TAF3: variants seen among roughly 807,000 people sequenced by gnomAD.
The protein encoded by TAF3 is TATA-box binding protein associated factor 3.
Under a neutral mutation model 80.6 loss-of-function variants are expected in TAF3, and 7 were observed. The ratio of observed to expected loss-of-function variants is 0.09; its 90% CI spans 0.05 to 0.16. The LOEUF (loss-of-function observed/expected upper bound fraction) is 0.16. TAF3 is among the 10% of genes least tolerant of loss of function. The pLI is 1.00. For missense variants in TAF3, 921 were observed against 1,140.2 expected, an observed-to-expected ratio of 0.81 and a Z score of 2.77; for synonymous variants, 444 against 446.1, an observed-to-expected ratio of 1.00 and a Z score of 0.06.
intron 2 of TAF3, among the ~76,000 whole-genome samples, chr10:7,898,840 T>A (rs985906311): frequency 1.3e-5 from 2 of 152,130 alleles, no homozygotes; most frequent in African/African-American, 4.8e-5. Context: ...TTGGTGGAGA[T>A]GATCTCAAAT....
intron 2 of TAF3, among the ~76,000 whole-genome samples, chr10:7,847,020 T>C (rs1461393453): frequency 6.6e-6 from 1 of 152,224 alleles, no homozygotes; most frequent in African/African-American, 2.4e-5. Flanking sequence ...AGTTGAAATT[T>C]AGAATTTTTC....
At chr10:7,911,981 G>GA (rs2131180057) in intron 2 of TAF3, among the ~76,000 whole-genome samples, 1 of 152,226 alleles carries the variant, frequency 6.6e-6, no homozygotes, top group African/African-American at 2.4e-5. Flanking sequence ...CTACCACAAC[G>GA]AGTCATATGC....
At chr10:7,961,776 C>A (rs1286654807) in intron 2 of TAF3, among the ~76,000 whole-genome samples, 3 of 152,144 alleles carry the variant, frequency 2.0e-5, no homozygotes, top group African/African-American at 7.2e-5. Context: ...TAATCATTGT[C>A]CTTTTCTATT....
At chr10:7,919,172 A>G (rs1837740301) in intron 2 of TAF3, among the ~76,000 whole-genome samples, 1 of 152,220 alleles carries the variant, frequency 6.6e-6, no homozygotes, top group Non-Finnish European at 1.5e-5. Context: ...ATTAGAATCC[A>G]GTTGGATGTC....
intron 2 of TAF3, among the ~76,000 whole-genome samples, chr10:7,849,027 A>C (rs1837000248): frequency 6.6e-6 from 1 of 152,196 alleles, no homozygotes; most frequent in Non-Finnish European, 1.5e-5. Flanking sequence ...TGGTGAGTTT[A>C]TATCACACTT....
chr10:7,863,626 AATATAT>A (rs1554778360), intron 2 of TAF3, among the ~76,000 whole-genome samples: 2 of 48,098 alleles, frequency 4.2e-5, no homozygotes, highest in South Asian at 9.6e-4. Context: ...AAAAAAAAAA[AATATAT>A]ATATATATAT....
At chr10:7,911,189 C>T (rs1264850397) in intron 2 of TAF3, among the ~76,000 whole-genome samples, 1 of 152,122 alleles carries the variant, frequency 6.6e-6, no homozygotes, top group Non-Finnish European at 1.5e-5. Flanking sequence ...GATCAAAACT[C>T]ACTTCTTTAG....
At chr10:7,902,167 C>T (rs1342987042) in intron 2 of TAF3, among the ~76,000 whole-genome samples, 1 of 152,090 alleles carries the variant, frequency 6.6e-6, no homozygotes, top group African/African-American at 2.4e-5. Context: ...TGGACATATC[C>T]AATCCCAGCA....
At chr10:7,864,865 A>G (rs1480360367) in intron 2 of TAF3, among the ~76,000 whole-genome samples, 2 of 151,884 alleles carry the variant, frequency 1.3e-5, no homozygotes, top group Non-Finnish European at 2.9e-5. Context: ...TTGTGCCCTA[A>G]GAAATCTTTG....
chr10:7,891,957 A>G (rs566879650), intron 2 of TAF3, among the ~76,000 whole-genome samples: 1 of 152,372 alleles, frequency 6.6e-6, no homozygotes, highest in South Asian at 2.1e-4. Context: ...CAATATGTAT[A>G]TAAATTGTAA....
intron 4 of TAF3, among the ~76,000 whole-genome samples, chr10:7,988,225 G>A (rs947727289): frequency 1.3e-5 from 2 of 152,080 alleles, no homozygotes; most frequent in African/African-American, 2.4e-5. Context: ...ACTGCGGGAG[G>A]ATCGCTTGAG....
chr10:8,012,220 AAG>A (rs1217800847), intron 5 of TAF3, among the ~76,000 whole-genome samples: 1 of 152,158 alleles, frequency 6.6e-6, no homozygotes, highest in Admixed American at 6.5e-5. Context: ...CTACCTCATG[AAG>A]AGAGACGCTT....
intron 2 of TAF3, among the ~76,000 whole-genome samples, chr10:7,869,045 A>G (rs1837241080): frequency 6.6e-6 from 1 of 152,212 alleles, no homozygotes; most frequent in Admixed American, 6.5e-5. Flanking sequence ...GTGTAAAACA[A>G]TACATCGTAG....
intron 2 of TAF3, among the ~76,000 whole-genome samples, chr10:7,899,542 A>G (rs1269163549): frequency 6.6e-6 from 1 of 152,108 alleles, no homozygotes; most frequent in Non-Finnish European, 1.5e-5. Context: ...CTTCTAGAAC[A>G]TTGCTTTCTA....
chr10:8,000,523 T>C (rs1831933645), intron 4 of TAF3, among the ~76,000 whole-genome samples: 1 of 152,052 alleles, frequency 6.6e-6, no homozygotes, highest in African/African-American at 2.4e-5. Context: ...TCTCAGCACT[T>C]TGGGAGGCCG....
intron 2 of TAF3, among the ~76,000 whole-genome samples, chr10:7,898,048 C>T (rs1398413726): frequency 6.6e-6 from 1 of 152,066 alleles, no homozygotes; most frequent in East Asian, 1.9e-4. Flanking sequence ...TTTATTATGT[C>T]TTTGCCTTTT....
intron 2 of TAF3, among the ~76,000 whole-genome samples, chr10:7,859,700 A>G (rs759867720): frequency 1.3e-5 from 2 of 152,114 alleles, no homozygotes; most frequent in Non-Finnish European, 2.9e-5. Flanking sequence ...TTATGGCTGC[A>G]CTTTATTTTA....
intron 2 of TAF3, among the ~76,000 whole-genome samples, chr10:7,908,851 C>T (rs1338596248): frequency 6.6e-6 from 1 of 152,364 alleles, no homozygotes; most frequent in East Asian, 1.9e-4. Context: ...GCATCAGAAG[C>T]CTTTAGAGGC....
intron 2 of TAF3, among the ~76,000 whole-genome samples, chr10:7,856,489 TAA>T (rs935603794): frequency 1.3e-5 from 2 of 151,808 alleles, no homozygotes; most frequent in African/African-American, 4.8e-5. Context: ...TCAAAATAAA[TAA>T]AAAAATAGAT....
Sources: allele counts gnomAD v4.1 joint callset (sites outside exome capture counted in the v4.1 genomes callset), GRCh38; gene constraint gnomAD v4.1.1; transcripts MANE v1.5; gene names NCBI Gene and HGNC (gene_info 2026-07-23, HGNC 2026-07-21).